The following MFSD11 variants were observed in gnomAD, a reference collection of about 807,000 sequenced individuals.
MFSD11 encodes UNC93-like protein MFSD11.
A neutral mutation model predicts 53.5 loss-of-function variants in MFSD11; 36 were observed. The observed-to-expected ratio is 0.67, with a 90% CI of 0.52 to 0.89. MFSD11 has a LOEUF of 0.89. Ranked by LOEUF, MFSD11 falls within the 40% of genes least tolerant of loss-of-function variation. MFSD11 has a pLI of 0.00. For synonymous variants in MFSD11, 186 were observed against 184.9 expected, an observed-to-expected ratio of 1.01 and a Z score of -0.05; for missense variants, 530 against 543.9, an observed-to-expected ratio of 0.97 and a Z score of 0.25.
chr17:76,786,503 C>CAA, the MFSD11 span, among the ~76,000 whole-genome samples: 1 of 152,164 alleles, frequency 6.6e-6, no homozygotes, highest in Admixed American at 6.5e-5. Context: ...GTGTTGAACT[C>CAA]AACAGTGACG....
intron 10 of MFSD11, among the ~76,000 whole-genome samples, chr17:76,772,496 A>G (rs1347051582): frequency 6.6e-6 from 1 of 151,824 alleles, no homozygotes; most frequent in African/African-American, 2.4e-5. Flanking sequence ...ATCTATTGTT[A>G]ACGCTCTACC....
At chr17:76,767,290 T>C in intron 8 of MFSD11, 96 bp from the exon 9 acceptor site, 1 of 700,194 alleles carries the variant, frequency 1.4e-6, no homozygotes, top group South Asian at 1.7e-5. Flanking sequence ...TTTACTGGCA[T>C]TATTGACAAG....
intron 9 of MFSD11, among the ~76,000 whole-genome samples, chr17:76,768,407 T>G (rs942989035): frequency 6.6e-6 from 1 of 151,714 alleles, no homozygotes; most frequent in Non-Finnish European, 1.5e-5. Flanking sequence ...GATAAAGAAA[T>G]TTGTTTTCTT....
At chr17:76,777,199 C>T (rs985992677) in intron 12 of MFSD11, among the ~76,000 whole-genome samples, 2 of 147,892 alleles carry the variant, frequency 1.4e-5, no homozygotes, top group Admixed American at 7.0e-5. Flanking sequence ...ACCCGGGAGG[C>T]GGAGCTTGCG....
At chr17:76,747,086 T>C (rs2078617336) in intron 7 of MFSD11, among the ~76,000 whole-genome samples, 1 of 152,038 alleles carries the variant, frequency 6.6e-6, no homozygotes. Context: ...ATTTCAACTT[T>C]CAAGTCTTAT....
chr17:76,799,717 A>G, the MFSD11 span, among the ~76,000 whole-genome samples: 21 of 152,012 alleles, frequency 1.4e-4, no homozygotes, highest in Non-Finnish European at 4.4e-5. Context: ...CTGTGTCCCA[A>G]ACATTATTGC....
chr17:76,786,701 G>A, the MFSD11 span, among the ~76,000 whole-genome samples: 1 of 152,208 alleles, frequency 6.6e-6, no homozygotes, highest in Non-Finnish European at 1.5e-5. Context: ...TAGAGACACA[G>A]CACCAAAGGT....
intron 8 of MFSD11, among the ~76,000 whole-genome samples, chr17:76,757,570 T>C (rs2079778668): frequency 6.6e-6 from 1 of 152,218 alleles, no homozygotes; most frequent in African/African-American, 2.4e-5. Flanking sequence ...CTACATACTA[T>C]CTAAAATCAC....
At position 76,776,794 on chromosome 17, in the gene MFSD11, C is replaced by T. The variant is rs1453788533; in HGVS notation, c.1185+253C>T. Among the ~76,000 whole-genome samples, 3 of 151,632 alleles carry T rather than the reference C, an allele frequency of 2.0e-5. No homozygotes were observed. Among genetic ancestry groups the T allele is most frequent in the East Asian group, 1.9e-4 (1 of 5,166 alleles). On this transcript the variant is annotated intron_variant, in intron 12 of 12. Transcript: ENST00000685175. This position sits in a 1 kb window ranked among gnomAD's most constrained non-coding sequence, Gnocchi z 4.2. ...TAGCTGAGATTACAGGTGCACACCA[C>T]CATGCCTGGCTAATTTTTGTATTTT...
chr17:76,750,439 G>A (rs796485113), intron 7 of MFSD11, among the ~76,000 whole-genome samples: 5 of 149,818 alleles, frequency 3.3e-5, no homozygotes, highest in African/African-American at 1.2e-4. Flanking sequence ...CGCAAACTCG[G>A]CTCCGCCTCC....
At chr17:76,767,155 A>C (rs2080921352) in intron 8 of MFSD11, 2 of 403,978 alleles carry the variant, frequency 5.0e-6, no homozygotes. Flanking sequence ...AAGAGCTGGA[A>C]AATGTGCTGA....
the MFSD11 span, chr17:76,799,182 C>T: frequency 6.6e-6 from 1 of 152,136 alleles, no homozygotes; most frequent in Non-Finnish European, 1.5e-5. Flanking sequence ...TTGTCACGAT[C>T]TTGGCTCACT....
the MFSD11 span, among the ~76,000 whole-genome samples, chr17:76,787,886 C>T: frequency 6.7e-6 from 1 of 150,094 alleles, no homozygotes; most frequent in Non-Finnish European, 1.5e-5. Context: ...ACAGAACAGA[C>T]TCTGTAGCAA....
chr17:76,742,216 C>A lies in MFSD11; in HGVS notation c.380C>A (p.Ser127Ter). The A allele has an allele frequency of 1.2e-6, 2 of 1,614,160 alleles. No individual in the cohort carries two copies. Among genetic ancestry groups the A allele is most frequent in the Non-Finnish European group, 1.7e-6 (2 of 1,180,034 alleles). ...TAQGNCLTIN[S>*]DEHSIGRNSG... is the part of the protein sequence containing the mutation. ...CAAGGAAACTGCCTGACAATCAATT[C>A]GGATGAGCACAGCATTGGGAGAAAC... is the stretch of plus-strand genomic sequence containing the variant. Residue 127 changes from serine to a stop codon, truncating the protein, a stop_gained, in exon 5 of 13, where the codon TCG becomes TAG. Coordinates refer to ENST00000685175, the MANE Select transcript of MFSD11 (RefSeq NM_001242532.5). LOFTEE classifies it high-confidence loss of function.
intron 8 of MFSD11, 170 bp downstream of exon 8, chr17:76,754,257 G>T: frequency 1.8e-6 from 1 of 562,892 alleles, no homozygotes; most frequent in Non-Finnish European, 3.2e-6. Context: ...CTCTAACATG[G>T]GGGTTGTGAG....
intron 3 of MFSD11, 69 bp from the exon 4 acceptor site, chr17:76,741,899 CT>C: frequency 6.2e-7 from 1 of 1,609,584 alleles, no homozygotes; most frequent in South Asian, 1.1e-5. Context: ...GAACTGATTC[CT>C]AGAAGGCATA....
chr17:76,736,642 C>T, upstream of MFSD11: 1 of 1,166,888 alleles, frequency 8.6e-7, no homozygotes, highest in Non-Finnish European at 1.1e-6. Context: ...TCGCAGACGG[C>T]GGAAGCTCGC....
intron 7 of MFSD11, chr17:76,745,353 T>C (rs965101203): frequency 6.6e-6 from 1 of 152,264 alleles, no homozygotes; most frequent in African/African-American, 2.4e-5. Flanking sequence ...CTGGATATGC[T>C]GCCATGCCCT....
At chr17:76,754,457 C>T (rs545114605) in intron 8 of MFSD11, among the ~76,000 whole-genome samples, 104 of 152,088 alleles carry the variant, frequency 6.8e-4, no homozygotes, top group African/African-American at 2.4e-3. Flanking sequence ...CCAAGGCAGG[C>T]GGATCACCTG....
Sources: allele counts gnomAD v4.1 joint callset (sites outside exome capture counted in the v4.1 genomes callset), GRCh38; gene constraint gnomAD v4.1.1; non-coding constraint Gnocchi (gnomAD v3.1); transcripts MANE v1.5; gene names NCBI Gene and HGNC (gene_info 2026-07-23, HGNC 2026-07-21).